Variants in DNAH8 observed in about 807,000 individuals in gnomAD.
DNAH8 encodes the protein axonemal beta dynein heavy chain 8.
A neutral mutation model predicts 562.1 loss-of-function variants in DNAH8; 382 were observed. The ratio of observed to expected loss-of-function variants is 0.68; its 90% CI spans 0.63 to 0.74. The LOEUF (loss-of-function observed/expected upper bound fraction) is 0.74. Ranked by LOEUF, DNAH8 falls within the 30% of genes least tolerant of loss-of-function variation. The pLI is 0.00. For missense variants in DNAH8, 5,203 were observed against 5,620.4 expected (o/e 0.93, Z 2.37); for synonymous variants, 1,881 against 1,919.4 (o/e 0.98, Z 0.52).
At chr6:38,761,151 G>A (rs1766461652) in intron 10 of DNAH8, among the ~76,000 whole-genome samples, 1 of 146,950 alleles carries the variant, frequency 6.8e-6, no homozygotes, top group African/African-American at 2.5e-5. Context: ...GGGTACATGT[G>A]CACAATGTGC....
chr6:38,947,410 G>A (rs929864807), intron 80 of DNAH8, among the ~76,000 whole-genome samples: 9 of 152,176 alleles, frequency 5.9e-5, no homozygotes, highest in Admixed American at 3.3e-4. Context: ...CCAGGCCAAG[G>A]GTCAGGAAAA....
At position 38,783,070 on chromosome 6, in the gene DNAH8, T is replaced by C; in HGVS notation, c.2326T>C (p.Tyr776His). ...AVIRQYNKISYVLVEFEVVYH... is the reference protein window; with the variant it reads ...AVIRQYNKISHVLVEFEVVYH... ...CATCCGTCAGTATAACAAGATCTCC[T>C]ATGTGCTGGTGGAATTCGAGGTGGT... Residue 776 changes from tyrosine to histidine, a missense_variant, in exon 17 of 93, where the codon TAT becomes CAT. By Grantham distance (83) the Tyr-to-His change is moderately conservative (BLOSUM62 2). Around this residue, in one of 6 missense-constraint regions of DNAH8, gnomAD observed 2,176 missense variants for 2,365.1 expected, o/e 0.92. Transcript: ENST00000327475. 6.2e-7 allele frequency: 1 copy of C among 1,613,798 alleles called. No homozygotes were observed. The highest frequency in any genetic ancestry group is 8.5e-7 in the Non-Finnish European group (1 of 1,179,700).
intron 80 of DNAH8, among the ~76,000 whole-genome samples, 159 bp downstream of exon 80, chr6:38,945,747 CA>C (rs1761354853): frequency 6.6e-6 from 1 of 152,182 alleles, no homozygotes; most frequent in South Asian, 2.1e-4. Flanking sequence ...AGATCTTGGA[CA>C]GATGGACCTC....
chr6:38,915,264 G>A lies in DNAH8; in HGVS notation c.10027G>A (p.Val3343Ile). The change falls in exon 68 of 93, where the codon GTA becomes ATA. Residue 3343 changes from valine to isoleucine, a missense_variant. By Grantham distance (29) the Val-to-Ile change is conservative. Transcript: ENST00000327475. ...CAAAATTAAAAATGAAGTACAGGAG[G>A]TAAAGGACAAAGCCCAAAAAATTGT... Reference protein sequence around the residue: ...SAKIKNEVQEVKDKAQKIVDE... With the variant: ...SAKIKNEVQEIKDKAQKIVDE... 6.2e-7 allele frequency: 1 copy of A among 1,611,596 alleles called. No individual in the cohort carries two copies. Among genetic ancestry groups the A allele is most frequent in the Non-Finnish European group, 8.5e-7 (1 of 1,179,126 alleles).
At position 38,803,166 on chromosome 6, in the gene DNAH8, CTTTA is replaced by C; in HGVS notation, c.2902-8_2902-5del. On this transcript the variant is annotated splice_polypyrimidine_tract_variant and intron_variant, in intron 21 of 92. Coordinates refer to ENST00000327475, the MANE Select transcript of DNAH8 (RefSeq NM_001206927.2). ...AGTATCTGGAAAATAATAGTCATTT[CTTTA>C]TTTAACAGACATACACAAAAGAATG... is the stretch of plus-strand genomic sequence containing the variant. 2 of 1,545,956 alleles carry C rather than the reference CTTTA, an allele frequency of 1.3e-6. No individual in the cohort carries two copies. The highest frequency in any genetic ancestry group is 1.3e-5 in the South Asian group (1 of 77,348).
At chr6:38,785,084 A>T in intron 17 of DNAH8, among the ~76,000 whole-genome samples, 1 of 152,236 alleles carries the variant, frequency 6.6e-6, no homozygotes, top group Non-Finnish European at 1.5e-5. Flanking sequence ...ACATACAAAC[A>T]ATATGAAGTA....
intron 12 of DNAH8, among the ~76,000 whole-genome samples, chr6:38,773,559 C>A (rs1767781001): frequency 6.6e-6 from 1 of 152,120 alleles, no homozygotes; most frequent in Non-Finnish European, 1.5e-5. Flanking sequence ...AAGGTAGCAC[C>A]CCCTAGAGGC....
chr6:38,780,961 A>G (rs550594907), intron 15 of DNAH8, among the ~76,000 whole-genome samples: 2 of 152,324 alleles, frequency 1.3e-5, no homozygotes, highest in East Asian at 3.9e-4. Context: ...TATGACAGAT[A>G]TTAATATGTA....
intron 44 of DNAH8, among the ~76,000 whole-genome samples, chr6:38,863,167 C>T (rs1455443960): frequency 1.3e-5 from 2 of 152,192 alleles, no homozygotes; most frequent in Non-Finnish European, 2.9e-5. Flanking sequence ...CCGGGCACGG[C>T]TCACGCTTGT....
intron 91 of DNAH8, among the ~76,000 whole-genome samples, chr6:39,026,252 C>G (rs1217572268): frequency 6.6e-6 from 1 of 152,168 alleles, no homozygotes; most frequent in East Asian, 1.9e-4. Flanking sequence ...GGGTTACAAG[C>G]CTTTAAGACT....
intron 15 of DNAH8, 26 bp downstream of exon 15, chr6:38,780,091 T>C (rs201155773): frequency 6.2e-7 from 1 of 1,600,396 alleles, no homozygotes; most frequent in African/African-American, 1.3e-5. Context: ...ATAAATAAAA[T>C]GGTACATTAG....
intron 17 of DNAH8, among the ~76,000 whole-genome samples, chr6:38,783,872 G>A (rs866804488): frequency 6.6e-6 from 1 of 152,020 alleles, no homozygotes; most frequent in Non-Finnish European, 1.5e-5. Flanking sequence ...TGGTAGAAAG[G>A]TTTCTCCCTC....
At chr6:38,974,972 G>A (rs1041903621) in intron 85 of DNAH8, among the ~76,000 whole-genome samples, 1 of 152,194 alleles carries the variant, frequency 6.6e-6, no homozygotes, top group African/African-American at 2.4e-5. Context: ...CCATCCCAAA[G>A]ATGTTAAGTA....
intron 58 of DNAH8, 38 bp downstream of exon 58, chr6:38,890,799 CTAT>C: frequency 7.2e-7 from 1 of 1,396,042 alleles, no homozygotes; most frequent in Non-Finnish European, 1.0e-6. Context: ...AAAAAGGCAA[CTAT>C]TATTCAGCCC....
At chr6:38,847,915 G>T (rs949869562) in intron 36 of DNAH8, among the ~76,000 whole-genome samples, 3 of 152,138 alleles carry the variant, frequency 2.0e-5, no homozygotes. Context: ...AGCAAGCCCT[G>T]ATGATCAGAA....
intron 67 of DNAH8, among the ~76,000 whole-genome samples, chr6:38,914,994 T>TA (rs1781196433): frequency 6.6e-6 from 1 of 152,130 alleles, no homozygotes; most frequent in South Asian, 2.1e-4. Context: ...ATTCTAAGCC[T>TA]AAGAAAAGCT....
chr6:39,017,685 G>A (rs1379209625), intron 91 of DNAH8, among the ~76,000 whole-genome samples: 4 of 152,126 alleles, frequency 2.6e-5, no homozygotes, highest in Non-Finnish European at 5.9e-5. Flanking sequence ...AGTCAGTTGT[G>A]TCAGATATCA....
intron 68 of DNAH8, 87 bp from the exon 69 acceptor site, chr6:38,917,152 A>C: frequency 3.2e-6 from 3 of 949,686 alleles, no homozygotes; most frequent in Non-Finnish European, 4.3e-6. Context: ...AAAGTTTTCT[A>C]TCTTAATTAT....
chr6:38,727,381 C>G (rs1190187759), intron 3 of DNAH8, among the ~76,000 whole-genome samples: 1 of 152,226 alleles, frequency 6.6e-6, no homozygotes, highest in Non-Finnish European at 1.5e-5. Context: ...CTTGGTTCAG[C>G]CACTGGGAGG....
Sources: allele counts gnomAD v4.1 joint callset (sites outside exome capture counted in the v4.1 genomes callset), GRCh38; gene constraint gnomAD v4.1.1; regional missense constraint gnomAD v4.1.1; transcripts MANE v1.5; gene names NCBI Gene and HGNC (gene_info 2026-07-23, HGNC 2026-07-21).